Variants in COL9A1 observed in about 807,000 individuals in gnomAD.
The protein encoded by COL9A1 is collagen type IX alpha 1 chain.
In COL9A1, 104 loss-of-function variants were observed where a neutral mutation model predicts 142.6. The observed-to-expected ratio is 0.73, with a 90% confidence interval of 0.62 to 0.86. The LOEUF is 0.86. Among genes scored for constraint, COL9A1 ranks in the 40% least tolerant of loss-of-function variants. The probability of loss-of-function intolerance (pLI) is 0.00; values close to 1 mark genes in which losing one functional copy is unlikely to be tolerated. For synonymous variants in COL9A1, 466 were observed against 396.0 expected (o/e 1.18, Z -2.10); for missense variants, 1,210 against 1,176.6 (o/e 1.03, Z -0.42).
chr6:70,263,208 A>T, intron 19 of COL9A1, 36 bp downstream of exon 19: 3 of 1,449,400 alleles, frequency 2.1e-6, no homozygotes, highest in South Asian at 1.3e-5. Flanking sequence ...GAATATTTAC[A>T]TATCCTAGTT....
rs538370808 is a variant in COL9A1 at position 70,268,739 on chromosome 6, TTAAAG to T, written c.1287+60_1287+64del. 3,042 of 1,475,376 alleles carry T rather than the reference TTAAAG, an allele frequency of 2.1e-3. 6 individuals are homozygous for T. Among genetic ancestry groups the T allele is most frequent in the Non-Finnish European group, 2.7e-3 (2,890 of 1,059,406 alleles). The allele number at this position is 1,475,376 out of a possible 1,614,324, so 91.4% of individuals were successfully genotyped here. ...GTCTCTGCACCAGGAAGGCTAATGC[TTAAAG>T]TAAAGGCTCCATTTTATCTGTGGAT... On this transcript the variant is annotated intron_variant, in intron 17 of 37. Transcript: ENST00000357250.
intron 7 of COL9A1, among the ~76,000 whole-genome samples, chr6:70,282,666 C>G (rs1185914650): frequency 6.6e-6 from 1 of 152,202 alleles, no homozygotes; most frequent in African/African-American, 2.4e-5. Flanking sequence ...AGCGCCAGAG[C>G]CTGCAGTAGG....
intron 36 of COL9A1, among the ~76,000 whole-genome samples, 197 bp downstream of exon 36, chr6:70,232,386 T>G (rs921007300): frequency 1.3e-5 from 2 of 152,230 alleles, no homozygotes; most frequent in East Asian, 3.8e-4. Flanking sequence ...TTTGGTCTAC[T>G]GTTGTGGTAG....
chr6:70,280,218 T>A, intron 10 of COL9A1: 1 of 997,382 alleles, frequency 1.0e-6, no homozygotes, highest in Non-Finnish European at 1.3e-6. Context: ...CTGCCAGTAA[T>A]GCCAGCCAGA....
At chr6:70,249,654 G>A (rs1350077183) in intron 28 of COL9A1, among the ~76,000 whole-genome samples, 5 of 152,128 alleles carry the variant, frequency 3.3e-5, no homozygotes, top group African/African-American at 1.2e-4. Flanking sequence ...AGGGACAGGA[G>A]CAATGGCAAG....
intron 37 of COL9A1, among the ~76,000 whole-genome samples, chr6:70,217,491 C>A (rs1042290345): frequency 6.6e-6 from 1 of 152,132 alleles, no homozygotes; most frequent in Non-Finnish European, 1.5e-5. Flanking sequence ...ATTTTTGTGT[C>A]TATTACATGA....
chr6:70,269,939 A>C (rs1016669826), intron 15 of COL9A1, among the ~76,000 whole-genome samples: 9 of 152,202 alleles, frequency 5.9e-5, no homozygotes, highest in Admixed American at 2.6e-4. Context: ...TACAAATAAA[A>C]ATATGAATTA....
intron 6 of COL9A1, 102 bp downstream of exon 6, chr6:70,283,635 T>C: frequency 1.2e-6 from 1 of 820,572 alleles, no homozygotes; most frequent in South Asian, 1.4e-5. Context: ...CGAAAGAGAG[T>C]GGGGAGGAGG....
In COL9A1 at chr6:70,297,668, A is replaced by G. The variant is rs1773893775; in HGVS notation, c.299+2375T>C. On this transcript the variant is annotated intron_variant, in intron 4 of 37. Coordinates refer to ENST00000357250, the MANE Select transcript of COL9A1 (RefSeq NM_001851.6). ...TTTATTTTATTATATTACAGCCTTC[A>G]AAGAGTACCTTAAGTGAAGAATCAT... Among the ~76,000 whole-genome samples the G allele has an allele frequency of 2.0e-5, 3 of 152,296 alleles. No homozygotes were observed. In the South Asian group the frequency reaches 6.2e-4, roughly 32 times the overall value.
rs368398805 is a variant in COL9A1 at position 70,274,675 on chromosome 6, T to C, written c.1029+44A>G. 5 of 1,493,740 alleles carry C rather than the reference T, an allele frequency of 3.3e-6. No homozygotes were observed. In the African/African-American group the frequency reaches 5.6e-5, roughly 17 times the overall value. The allele number at this position is 1,493,740 out of a possible 1,614,324, so 92.5% of individuals were successfully genotyped here. A position where few individuals can be genotyped will look rare whatever the true frequency, so the allele number is the denominator to read the frequency against. ...GCAAACACTGCAATAAAATTATACT[T>C]CAGCATTTTCGTACTAGCAATTAAT... is the stretch of plus-strand genomic sequence containing the variant. On this transcript the variant is annotated intron_variant, in intron 11 of 37. Coordinates refer to ENST00000357250, the MANE Select transcript of COL9A1 (RefSeq NM_001851.6).
chr6:70,227,682 G>A (rs1769322507), intron 36 of COL9A1, among the ~76,000 whole-genome samples: 4 of 152,100 alleles, frequency 2.6e-5, no homozygotes, highest in Non-Finnish European at 5.9e-5. Context: ...ATACAAAAAT[G>A]AAATATGTAC....
At chr6:70,225,443 T>TTTTC (rs147029567) in intron 37 of COL9A1, among the ~76,000 whole-genome samples, 1 of 151,898 alleles carries the variant, frequency 6.6e-6, no homozygotes, top group Non-Finnish European at 1.5e-5. Flanking sequence ...CAGTTTTGTA[T>TTTTC]TTTCTTTCTT....
intron 28 of COL9A1, among the ~76,000 whole-genome samples, chr6:70,244,578 T>C (rs111252446): frequency 2.8e-3 from 430 of 152,268 alleles, no homozygotes; most frequent in Non-Finnish European, 4.5e-3. Flanking sequence ...AAAGTTAATA[T>C]CAGAAGGGGA....
chr6:70,243,043 G>A (rs1042530908), intron 28 of COL9A1, among the ~76,000 whole-genome samples: 2 of 152,122 alleles, frequency 1.3e-5, no homozygotes, highest in African/African-American at 2.4e-5. Flanking sequence ...TGTTCTTAAG[G>A]TATTGTTAAA....
At position 70,252,103 on chromosome 6, in the gene COL9A1, C is replaced by A; in HGVS notation, c.1872+17G>T. The A allele has an allele frequency of 6.2e-7, 1 of 1,613,442 alleles. No individual in the cohort carries two copies. Among genetic ancestry groups the A allele is most frequent in the Non-Finnish European group, 8.5e-7 (1 of 1,179,442 alleles). ...CCTGAGAAGGTGCTTTAGGAAAGAA[C>A]AGCAAGGAATACTCACAGGAAGCCC... On this transcript the variant is annotated intron_variant, in intron 28 of 37. Coordinates refer to ENST00000357250, the MANE Select transcript of COL9A1 (RefSeq NM_001851.6).
Position 70,252,184 on chromosome 6 carries a change from G to T in COL9A1, c.1819-11C>A, listed in dbSNP as rs199918068. 2.8e-5 allele frequency: 46 copies of T among 1,614,174 alleles called. No homozygotes were observed. Among genetic ancestry groups the T allele is most frequent in the Non-Finnish European group, 3.9e-5 (46 of 1,180,018 alleles). ...AGGCCCCTGTTGGCCCTGTTATCAG[G>T]AAGGAAGGTAGAAAAAAAGTTAACA... On this transcript the variant is annotated splice_polypyrimidine_tract_variant and intron_variant, in intron 27 of 37. Transcript: ENST00000357250.
At chr6:70,281,576 A>G in intron 7 of COL9A1, 112 bp from the exon 8 acceptor site, 2 of 803,178 alleles carry the variant, frequency 2.5e-6, no homozygotes, top group East Asian at 2.8e-5. Flanking sequence ...CTTCCAGAGG[A>G]GGCCGGGTTT....
At chr6:70,227,866 C>T (rs1430764341) in intron 36 of COL9A1, among the ~76,000 whole-genome samples, 1 of 151,984 alleles carries the variant, frequency 6.6e-6, no homozygotes, top group Non-Finnish European at 1.5e-5. Context: ...GTGAAAAAGG[C>T]AAGTTCCAGA....
intron 35 of COL9A1, among the ~76,000 whole-genome samples, chr6:70,233,380 G>A (rs752367684): frequency 2.3e-4 from 35 of 152,236 alleles, no homozygotes; most frequent in Admixed American, 7.2e-4. Flanking sequence ...CTTGTTTCTT[G>A]GGAATGGTCA....
Sources: allele counts gnomAD v4.1 joint callset (sites outside exome capture counted in the v4.1 genomes callset), GRCh38; gene constraint gnomAD v4.1.1; transcripts MANE v1.5; gene names NCBI Gene and HGNC (gene_info 2026-07-23, HGNC 2026-07-21).